Variants in HIVEP3 observed in about 807,000 individuals in gnomAD.
HIVEP3 encodes HIVEP zinc finger 3.
A neutral mutation model predicts 152.8 loss-of-function variants in HIVEP3; 49 were observed. The observed-to-expected ratio is 0.32, with a 90% CI of 0.26 to 0.41. The LOEUF (loss-of-function observed/expected upper bound fraction) is 0.41, where lower values mean the gene tolerates loss of function less well. HIVEP3 is among the 10% of genes least tolerant of loss of function. The probability of loss-of-function intolerance (pLI) is 1.00; values close to 1 mark genes in which losing one functional copy is unlikely to be tolerated. For synonymous variants in HIVEP3, 1,269 were observed against 1,289.0 expected (o/e 0.98, Z 0.33); for missense variants, 2,790 against 3,103.3 (o/e 0.90, Z 2.40).
At position 41,746,573 on chromosome 1, in the gene HIVEP3, T is replaced by C. The variant is rs1471733404; in HGVS notation, c.-800-45578A>G. Among the ~76,000 whole-genome samples the C allele has an allele frequency of 5.9e-5, 9 of 152,318 alleles. No homozygotes were observed. The East Asian group carries it at 7.7e-4, about 13-fold the overall frequency. ...TATGCATGGGGATGGCAGGTCCCAA[T>C]TGGGCTTCGGTGGCTCCTGACTCAA... On this transcript the variant is annotated intron_variant, in intron 1 of 8. Transcript: ENST00000372583.
intron 1 of HIVEP3, chr1:41,869,410 T>C (rs1291919522): frequency 1.3e-5 from 2 of 152,224 alleles, no homozygotes; most frequent in Non-Finnish European, 2.9e-5. Context: ...GAAGAGCACA[T>C]GCCATGGAGG....
At chr1:41,841,403 T>C (rs565989022) in intron 1 of HIVEP3, among the ~76,000 whole-genome samples, 1 of 122,124 alleles carries the variant, frequency 8.2e-6, no homozygotes, top group East Asian at 2.0e-4. Flanking sequence ...GTTTTGACAA[T>C]GCATTACAAA....
chr1:41,571,253 A>T (rs1033525855), intron 5 of HIVEP3, among the ~76,000 whole-genome samples: 17 of 152,232 alleles, frequency 1.1e-4, no homozygotes, highest in African/African-American at 4.1e-4. Flanking sequence ...GTGTAAGCCC[A>T]CTGGGCTGAA....
At chr1:41,858,258 T>C (rs557277620) in intron 1 of HIVEP3, among the ~76,000 whole-genome samples, 6 of 152,338 alleles carry the variant, frequency 3.9e-5, no homozygotes, top group African/African-American at 1.2e-4. Flanking sequence ...TTTCCTTGTC[T>C]GACTCTCCTT....
At chr1:41,652,886 C>T (rs1039174024) in intron 2 of HIVEP3, among the ~76,000 whole-genome samples, 4 of 152,158 alleles carry the variant, frequency 2.6e-5, no homozygotes, top group African/African-American at 9.7e-5. Flanking sequence ...GGGTTACAAA[C>T]CCACCATTGA....
intron 1 of HIVEP3, among the ~76,000 whole-genome samples, chr1:41,716,828 C>T (rs528211547): frequency 1.3e-5 from 2 of 152,288 alleles, no homozygotes; most frequent in African/African-American, 2.4e-5. Flanking sequence ...TGAACGAAGC[C>T]GGTTAGAAGC....
At position 41,593,262 on chromosome 1, in the gene HIVEP3, TTAATA is replaced by T. The variant is rs536765694; in HGVS notation, c.-521-7949_-521-7945del. 2.8e-4 allele frequency among the ~76,000 whole-genome samples: 42 copies of T among 152,310 alleles called. No individual in the cohort carries two copies. In the South Asian group the frequency reaches 2.9e-3, roughly 11 times the overall value. ...CCTCCCCAGAGAAGCTACAGTTAAT[TTAATA>T]TATGTTCTTCCCGACGTCCTAATGT... On this transcript the variant is annotated intron_variant, in intron 3 of 8. Transcript: ENST00000372583.
chr1:41,534,317 T>C (rs1197062650), intron 5 of HIVEP3, among the ~76,000 whole-genome samples: 1 of 151,852 alleles, frequency 6.6e-6, no homozygotes, highest in African/African-American at 2.4e-5. Context: ...CCTCCCCAGC[T>C]CATCTCCCTC....
intron 1 of HIVEP3, among the ~76,000 whole-genome samples, chr1:41,988,164 C>T (rs778039024): frequency 1.3e-5 from 2 of 152,142 alleles, no homozygotes; most frequent in Non-Finnish European, 2.9e-5. Flanking sequence ...CTTCTTGACA[C>T]TGGATTTGGT....
In HIVEP3 at chr1:41,612,283, G is replaced by T. The variant is rs144035099; in HGVS notation, c.-522+16466C>A. Among the ~76,000 whole-genome samples, 505 of 152,266 alleles carry T rather than the reference G, an allele frequency of 3.3e-3. 1 individual carries two copies. Among genetic ancestry groups the T allele is most frequent in the African/African-American group, 0.012 (488 of 41,544 alleles). The stretch of plus-strand genomic sequence containing the variant: ...GAACCCATTCTGCCTTCCCCTGGCC[G>T]GTGTTTACACCCCTGTTTCAGATGG... On this transcript the variant is annotated intron_variant, in intron 3 of 8. Coordinates refer to ENST00000372583, the MANE Select transcript of HIVEP3 (RefSeq NM_024503.5).
chr1:41,971,958 CCATCTTGGAGGCAGAGAG>C (rs1645232409), intron 1 of HIVEP3, among the ~76,000 whole-genome samples: 1 of 152,160 alleles, frequency 6.6e-6, no homozygotes, highest in African/African-American at 2.4e-5. Flanking sequence ...CAACATGTTG[CCATCTTGGAGGCAGAGAG>C]CAGCCCTCAC....
chr1:41,976,085 C>T (rs141256497), intron 1 of HIVEP3, among the ~76,000 whole-genome samples: 13 of 149,910 alleles, frequency 8.7e-5, no homozygotes, highest in African/African-American at 2.8e-4. Flanking sequence ...AGGTCAACCA[C>T]GCTTACGTCT....
intron 1 of HIVEP3, among the ~76,000 whole-genome samples, chr1:41,953,914 T>C (rs894350593): frequency 6.6e-6 from 1 of 152,212 alleles, no homozygotes. Context: ...AGCCCTTTTT[T>C]CTGCTAACTC....
At chr1:41,696,677 C>T (rs187220693) in intron 2 of HIVEP3, among the ~76,000 whole-genome samples, 54 of 152,194 alleles carry the variant, frequency 3.5e-4, no homozygotes, top group African/African-American at 1.2e-3. Context: ...CAGAGACAGA[C>T]GGCCCTGTGC....
intron 1 of HIVEP3, among the ~76,000 whole-genome samples, chr1:41,850,997 C>T (rs184736227): frequency 5.9e-5 from 9 of 152,334 alleles, no homozygotes; most frequent in Admixed American, 3.3e-4. Flanking sequence ...TCCTGATCAT[C>T]TACCCAAGTA....
chr1:41,536,885 A>T (rs654220), intron 5 of HIVEP3, among the ~76,000 whole-genome samples: 52,002 of 152,038 alleles, frequency 0.34, 9,354 homozygotes, highest in Non-Finnish European at 0.4. Context: ...AAGGTCACAC[A>T]GCCAGTTAAT....
intron 1 of HIVEP3, among the ~76,000 whole-genome samples, chr1:41,806,953 T>A (rs1266430377): frequency 6.6e-6 from 1 of 151,572 alleles, no homozygotes; most frequent in Non-Finnish European, 1.5e-5. Flanking sequence ...ATGGGATGAG[T>A]CATCATTAGG....
At chr1:41,644,298 T>G (rs1645424860) in intron 2 of HIVEP3, among the ~76,000 whole-genome samples, 1 of 152,060 alleles carries the variant, frequency 6.6e-6, no homozygotes, top group Non-Finnish European at 1.5e-5. Context: ...GGACAGTACG[T>G]GTGGTGAGGA....
intron 1 of HIVEP3, among the ~76,000 whole-genome samples, chr1:41,759,469 G>A (rs1052511119): frequency 2.6e-5 from 4 of 152,170 alleles, no homozygotes; most frequent in Admixed American, 6.5e-5. Context: ...ATTGTGAATA[G>A]TGCTGATATT....
Sources: gnomAD v4.1 joint callset for allele counts (sites outside exome capture counted in the v4.1 genomes callset) on GRCh38, gnomAD v4.1.1 for gene constraint, MANE v1.5 for transcripts, NCBI Gene and HGNC (gene_info 2026-07-23, HGNC 2026-07-21) for gene names.